DST: variants seen among roughly 807,000 people sequenced by gnomAD.
DST encodes the protein bullous pemphigoid antigen.
DST carries 253 observed loss-of-function variants against 875.2 expected under a neutral mutation model. The ratio of observed to expected loss-of-function variants is 0.29; its 90% CI spans 0.26 to 0.32. The LOEUF (loss-of-function observed/expected upper bound fraction) is 0.32, where lower values mean the gene tolerates loss of function less well. Among genes scored for constraint, DST ranks in the 10% least tolerant of loss-of-function variants. The probability of loss-of-function intolerance (pLI) is 1.00; values close to 1 mark genes in which losing one functional copy is unlikely to be tolerated. For missense variants in DST, 8,287 were observed against 9,111.6 expected (o/e 0.91, Z 3.68); for synonymous variants, 3,124 against 3,197.1 (o/e 0.98, Z 0.77).
chr6:56,495,262 C>G (rs559242227), intron 82 of DST, among the ~76,000 whole-genome samples: 7 of 151,790 alleles, frequency 4.6e-5, no homozygotes, highest in Non-Finnish European at 7.4e-5. Context: ...ATCAAAAGAA[C>G]TTTATTGAAA....
At chr6:56,544,188 T>C (rs1181037214) in intron 61 of DST, among the ~76,000 whole-genome samples, 1 of 152,166 alleles carries the variant, frequency 6.6e-6, no homozygotes, top group African/African-American at 2.4e-5. Context: ...GGCACTAGAC[T>C]GGGAAATAGT....
rs376726246 is a variant in DST at position 56,642,911 on chromosome 6, CT to C, written c.1779-409del. ...AGCTGAATATTACAGCTTTTAGTGG[CT>C]CCTTAAATATGCTTCAACATGCATA... On this transcript the variant is annotated intron_variant, in intron 15 of 103. Coordinates refer to ENST00000680361, the MANE Select transcript of DST (RefSeq NM_001374736.1). The C allele has an allele frequency of 1.9e-6, 3 of 1,548,998 alleles. No individual in the cohort carries two copies. The African/African-American group carries it at 4.1e-5, about 21-fold the overall frequency.
At chr6:56,623,206 G>A (rs2098705767) in intron 36 of DST, among the ~76,000 whole-genome samples, 1 of 152,002 alleles carries the variant, frequency 6.6e-6, no homozygotes, top group Non-Finnish European at 1.5e-5. Flanking sequence ...TCTATCAATT[G>A]TTAGCATTCT....
rs553374712 is a variant in DST, at chr6:56,535,436, G to A, written c.16771-144C>T. ...TCACTTAAAATTTACCCAAAGTATC[G>A]ATAGTAGGCAGGATAGCAGTGAAAA... is the stretch of plus-strand genomic sequence containing the variant. On this transcript the variant is annotated intron_variant, in intron 62 of 103. Coordinates refer to ENST00000680361, the MANE Select transcript of DST (RefSeq NM_001374736.1). 187 of 974,192 alleles carry A rather than the reference G, an allele frequency of 1.9e-4. 1 individual carries two copies. The highest frequency in any genetic ancestry group is 2.5e-4 in the Non-Finnish European group (174 of 695,312). The allele number at this position is 974,192 out of a possible 1,614,324, so 60.3% of individuals were successfully genotyped here. A position where few individuals can be genotyped will look rare whatever the true frequency, so the allele number is the denominator to read the frequency against.
At chr6:56,932,963 T>C (rs1291504549) in intron 2 of DST, among the ~76,000 whole-genome samples, 2 of 151,484 alleles carry the variant, frequency 1.3e-5, no homozygotes, top group Admixed American at 1.3e-4. Context: ...GTTAAAATAA[T>C]ACAATGTTTG....
rs960337180 is a variant in DST, at chr6:56,592,497, C to T, written c.12727-139G>A. 197 of 726,910 alleles carry T rather than the reference C, an allele frequency of 2.7e-4. 2 individuals are homozygous for T. The South Asian group carries it at 3.7e-3, about 14-fold the overall frequency. 45.0% of individuals were successfully genotyped at this position (726,910 alleles called of 1,614,324 possible). A position where few individuals can be genotyped will look rare whatever the true frequency, so the allele number is the denominator to read the frequency against. On this transcript the variant is annotated intron_variant, in intron 48 of 103. Coordinates refer to ENST00000680361, the MANE Select transcript of DST (RefSeq NM_001374736.1). Reference sequence around the variant, plus strand: ...CAAAGTTAATAAAAACTCTGTTGGGCTAAGATTTCCTCCTTTATATGAAGA... The same window carrying T: ...CAAAGTTAATAAAAACTCTGTTGGGTTAAGATTTCCTCCTTTATATGAAGA...
intron 7 of DST, 148 bp downstream of exon 7, chr6:56,703,500 G>A (rs1397702538): frequency 6.4e-6 from 1 of 156,058 alleles, no homozygotes. Context: ...CCAATTTTTT[G>A]GTACACACAC....
At chr6:56,779,158 G>C in intron 4 of DST, among the ~76,000 whole-genome samples, 1 of 152,020 alleles carries the variant, frequency 6.6e-6, no homozygotes, top group East Asian at 1.9e-4. Context: ...TTTTTCATGT[G>C]TCTTTTGGCT....
rs1398305855 is a variant in DST, at chr6:56,948,524, T to C, written c.216+5261A>G. ...CAGGGTTCCATCGGGCTACTCAGAG[T>C]GGCACGCAATTTCAAACTTATGAAT... On this transcript the variant is annotated intron_variant, in intron 2 of 103. Coordinates refer to ENST00000680361, the MANE Select transcript of DST (RefSeq NM_001374736.1). Among the ~76,000 whole-genome samples, 4 of 152,128 alleles carry C rather than the reference T, an allele frequency of 2.6e-5. No individual in the cohort carries two copies. The South Asian group carries it at 8.3e-4, about 31-fold the overall frequency.
chr6:56,469,835 T>G, intron 97 of DST, 48 bp downstream of exon 97: 1 of 1,482,706 alleles, frequency 6.7e-7, no homozygotes. Flanking sequence ...TATACAGATT[T>G]CAATTTATGT....
chr6:56,903,673 TG>T (rs746566027), intron 2 of DST, among the ~76,000 whole-genome samples: 36 of 152,178 alleles, frequency 2.4e-4, no homozygotes, highest in Non-Finnish European at 5.0e-4. Flanking sequence ...TTGGCCAGGC[TG>T]GTCTCAAACT....
chr6:56,820,845 A>G (rs908934190), intron 4 of DST, among the ~76,000 whole-genome samples: 1 of 152,078 alleles, frequency 6.6e-6, no homozygotes, highest in African/African-American at 2.4e-5. Flanking sequence ...AGTTATCTTT[A>G]CTTCTTCTCC....
intron 3 of DST, among the ~76,000 whole-genome samples, chr6:56,891,619 T>C (rs1787559483): frequency 7.1e-6 from 1 of 141,676 alleles, no homozygotes; most frequent in African/African-American, 2.7e-5. Flanking sequence ...CTGCCTATAG[T>C]CTAAGCTACT....
At chr6:56,765,521 A>T (rs1015052642) in intron 4 of DST, among the ~76,000 whole-genome samples, 6 of 152,230 alleles carry the variant, frequency 3.9e-5, no homozygotes, top group African/African-American at 1.2e-4. Context: ...AGGATATCAT[A>T]AAGGAGAAGA....
At position 56,463,610 on chromosome 6, in the gene DST, A is replaced by G; in HGVS notation, c.22914T>C (p.Ala7638=). 6.2e-7 allele frequency: 1 copy of G among 1,610,132 alleles called. No homozygotes were observed. The highest frequency in any genetic ancestry group is 8.5e-7 in the Non-Finnish European group (1 of 1,176,976). The stretch of plus-strand genomic sequence containing the variant: ...GGACCTGTGGGGAGGCCGCCTGCGC[A>G]GCCTGACTGGACACAGAAGTGGATC... ...PNRSTSVSSQ[A]AQAASPQVPA... The change falls in exon 101 of 104, where the codon GCT becomes GCC. Residue 7638 remains alanine, a synonymous_variant. Coordinates refer to ENST00000680361, the MANE Select transcript of DST (RefSeq NM_001374736.1).
intron 4 of DST, among the ~76,000 whole-genome samples, chr6:56,779,428 C>T (rs1441829392): frequency 6.6e-6 from 1 of 151,978 alleles, no homozygotes; most frequent in Non-Finnish European, 1.5e-5. Context: ...GTTGCCATTG[C>T]TTTTGGTGTT....
At position 56,487,218 on chromosome 6, in the gene DST, G is replaced by T. The variant is rs2095598195; in HGVS notation, c.20933C>A (p.Thr6978Asn). Reference sequence around the variant, plus strand: ...GGTTTTCTCCTTCAGAGAACGTCCAGTCCTGTTGGTGGTGTCGTAGACAGA... The same window carrying T: ...GGTTTTCTCCTTCAGAGAACGTCCATTCCTGTTGGTGGTGTCGTAGACAGA... ...KHSVYDTTNR[T>N]GRSLKEKTSL... Residue 6978 changes from threonine (T) to asparagine (N), a missense_variant, in exon 87 of 104, where the codon ACT (threonine) becomes AAT (asparagine). Transcript: ENST00000680361. 1.2e-6 allele frequency: 2 copies of T among 1,613,380 alleles called. No homozygotes were observed. Among genetic ancestry groups the T allele is most frequent in the Admixed American group, 3.3e-5 (2 of 59,982 alleles).
chr6:56,877,264 G>A (rs986547980), intron 3 of DST, among the ~76,000 whole-genome samples: 1 of 152,100 alleles, frequency 6.6e-6, no homozygotes, highest in Non-Finnish European at 1.5e-5. Context: ...TATAAATTTA[G>A]TTATTTGGCC....
chr6:56,954,077 G>A (rs933838736), intron 1 of DST, among the ~76,000 whole-genome samples: 1 of 152,242 alleles, frequency 6.6e-6, no homozygotes, highest in Admixed American at 6.5e-5. Flanking sequence ...TTACCCCTAC[G>A]CTCCAGCGAA....
Sources: gnomAD v4.1 joint callset for allele counts (sites outside exome capture counted in the v4.1 genomes callset) on GRCh38, gnomAD v4.1.1 for gene constraint, MANE v1.5 for transcripts, NCBI Gene and HGNC (gene_info 2026-07-23, HGNC 2026-07-21) for gene names.